The following ARHGEF9 variants were observed in gnomAD, a reference collection of about 807,000 sequenced individuals.
The protein encoded by ARHGEF9 is Cdc42 guanine nucleotide exchange factor 9.
In ARHGEF9, 2 loss-of-function variants were observed where a neutral mutation model predicts 41.3. That is an observed-to-expected ratio of 0.05 (90% confidence interval 0.02 to 0.15). The LOEUF is 0.15. Ranked by LOEUF, ARHGEF9 falls within the 10% of genes least tolerant of loss-of-function variation. ARHGEF9 has a pLI of 1.00. For synonymous variants in ARHGEF9, 160 were observed against 154.4 expected, an observed-to-expected ratio of 1.04 and a Z score of -0.27; for missense variants, 225 against 424.7, an observed-to-expected ratio of 0.53 and a Z score of 4.13.
At chrX:63,665,032 G>T (rs782147170) in intron 7 of ARHGEF9, among the ~76,000 whole-genome samples, 24 of 112,301 alleles carry the variant, frequency 2.1e-4, no homozygotes. Context: ...GCAAAGGGTA[G>T]CATGGTGAAT....
chrX:63,780,475 A>G (rs2056362850), intron 1 of ARHGEF9, among the ~76,000 whole-genome samples: 1 of 111,152 alleles, frequency 9.0e-6, no homozygotes, highest in East Asian at 2.8e-4. Context: ...GGAGCAGACA[A>G]CCCTGAGTGC....
In ARHGEF9 at chrX:63,645,221, A is replaced by AT. The variant is rs374631241; in HGVS notation, c.1322-1174dup. ...TCAAAGGAAAATATACTCTAAAATG[A>AT]TTTTTTTTTCACTTTTTTTAATATA... On this transcript the variant is annotated intron_variant, in intron 8 of 9. Coordinates refer to ENST00000671741, the MANE Select transcript of ARHGEF9 (RefSeq NM_001353921.2). Among the ~76,000 whole-genome samples, 984 of 109,294 alleles carry AT rather than the reference A, an allele frequency of 9.0e-3. 5 individuals are homozygous for AT. The highest frequency in any genetic ancestry group is 0.014 in the Non-Finnish European group (728 of 52,237). 94.9% of individuals were successfully genotyped at this position (109,294 alleles called of 115,157 possible). A position where few individuals can be genotyped will look rare whatever the true frequency, so the allele number is the denominator to read the frequency against.
intron 2 of ARHGEF9, chrX:63,722,927 T>A (rs1322354847): frequency 8.9e-6 from 1 of 111,748 alleles, no homozygotes; most frequent in African/African-American, 3.3e-5. Context: ...GGATATTTCA[T>A]TAGAAGATTC....
chrX:63,669,832 G>T, intron 6 of ARHGEF9, among the ~76,000 whole-genome samples: 1 of 111,679 alleles, frequency 9.0e-6, no homozygotes, highest in Non-Finnish European at 1.9e-5. Context: ...TTTGTTTGTT[G>T]CCTCTTTTCC....
chrX:63,772,992 T>G (rs1556455835), intron 1 of ARHGEF9, among the ~76,000 whole-genome samples: 1 of 111,763 alleles, frequency 8.9e-6, no homozygotes, highest in African/African-American at 3.3e-5. Context: ...CTGACTCAGC[T>G]GAAATGTCAC....
intron 6 of ARHGEF9, among the ~76,000 whole-genome samples, chrX:63,666,351 A>C (rs1295755328): frequency 1.7e-4 from 17 of 101,151 alleles, no homozygotes; most frequent in South Asian, 4.9e-4. Flanking sequence ...CTCTCTCTCT[A>C]CATACACACA....
At position 63,690,720 on chromosome X, in the gene ARHGEF9, A is replaced by T. The variant is rs193098257; in HGVS notation, c.582+6405T>A. On this transcript the variant is annotated intron_variant, in intron 4 of 9. Coordinates refer to ENST00000671741, the MANE Select transcript of ARHGEF9 (RefSeq NM_001353921.2). ...AGGCCAATATTACTGGCAAACATAGATGCAAAAATTCCAAACAAAATACTA... is the reference window on the plus strand; with the variant it reads ...AGGCCAATATTACTGGCAAACATAGTTGCAAAAATTCCAAACAAAATACTA... Among the ~76,000 whole-genome samples the T allele has an allele frequency of 4.5e-5, 5 of 112,131 alleles. No individual in the cohort carries two copies. The East Asian group carries it at 1.1e-3, about 25-fold the overall frequency.
At chrX:63,729,142 G>A (rs2054140118) in intron 1 of ARHGEF9, among the ~76,000 whole-genome samples, 1 of 111,734 alleles carries the variant, frequency 8.9e-6, no homozygotes, top group Admixed American at 9.5e-5. Context: ...CAAAAGAAGT[G>A]ATGACAAATT....
intron 3 of ARHGEF9, among the ~76,000 whole-genome samples, chrX:63,703,966 A>C (rs1438912817): frequency 6.3e-5 from 7 of 111,770 alleles, no homozygotes; most frequent in Non-Finnish European, 1.1e-4. Context: ...CTGAAGGAAA[A>C]GCAAGAGGCC....
intron 7 of ARHGEF9, among the ~76,000 whole-genome samples, 192 bp downstream of exon 7, chrX:63,665,694 C>T (rs1425517129): frequency 5.3e-5 from 6 of 112,234 alleles, no homozygotes; most frequent in Non-Finnish European, 1.1e-4. Flanking sequence ...TTTTTCACTG[C>T]CCACAAGCCA....
At chrX:63,689,171 A>G (rs1206791941) in intron 4 of ARHGEF9, among the ~76,000 whole-genome samples, 1 of 111,684 alleles carries the variant, frequency 9.0e-6, no homozygotes, top group Non-Finnish European at 1.9e-5. Flanking sequence ...TAAATTCTCC[A>G]ATTAAAAGAG....
intron 7 of ARHGEF9, among the ~76,000 whole-genome samples, chrX:63,663,465 AT>A (rs1469795032): frequency 3.6e-5 from 4 of 110,623 alleles, no homozygotes; most frequent in African/African-American, 1.3e-4. Context: ...ATGTGGCCAT[AT>A]TTCATTATTT....
intron 1 of ARHGEF9, among the ~76,000 whole-genome samples, chrX:63,753,550 T>C (rs1414910839): frequency 9.2e-6 from 1 of 109,068 alleles, no homozygotes; most frequent in African/African-American, 3.3e-5. Context: ...GGGGTTTTTT[T>C]TTTTTTTTGA....
At chrX:63,667,621 C>A (rs782484431) in intron 6 of ARHGEF9, among the ~76,000 whole-genome samples, 30 of 110,473 alleles carry the variant, frequency 2.7e-4, no homozygotes, top group Non-Finnish European at 9.5e-5. Flanking sequence ...ATGGTGTATT[C>A]GAGCATACCA....
At chrX:63,664,773 C>T (rs1295699284) in intron 7 of ARHGEF9, among the ~76,000 whole-genome samples, 1 of 112,076 alleles carries the variant, frequency 8.9e-6, no homozygotes, top group African/African-American at 3.2e-5. Context: ...AACACTGAGG[C>T]AGTCTGAACC....
intron 4 of ARHGEF9, among the ~76,000 whole-genome samples, chrX:63,693,427 T>C (rs1183158613): frequency 9.1e-6 from 1 of 110,073 alleles, no homozygotes; most frequent in African/African-American, 3.3e-5. Flanking sequence ...CTAGCTAATA[T>C]GGTGAAACCC....
chrX:63,736,768 C>A (rs781924207), intron 1 of ARHGEF9, among the ~76,000 whole-genome samples: 2 of 111,767 alleles, frequency 1.8e-5, no homozygotes, highest in African/African-American at 6.5e-5. Flanking sequence ...ACTACAGTAA[C>A]CATTTTACTA....
chrX:63,754,222 T>C, intron 1 of ARHGEF9: 1 of 1,046,927 alleles, frequency 9.6e-7, no homozygotes, highest in Non-Finnish European at 1.3e-6. Flanking sequence ...ATCAACAATT[T>C]CACTCAAGCA....
Position 63,690,207 on chromosome X carries a change from G to C in ARHGEF9, c.582+6918C>G, listed in dbSNP as rs782810419. The stretch of plus-strand genomic sequence containing the variant: ...ATACAAAAGATCAATGAAATGAAAA[G>C]TTGTTTTTTTTGAAAAGATACTCAA... On this transcript the variant is annotated intron_variant, in intron 4 of 9. Transcript: ENST00000671741. Among the ~76,000 whole-genome samples the C allele has an allele frequency of 4.5e-5, 5 of 110,520 alleles. No homozygotes were observed. In the East Asian group the frequency reaches 1.4e-3, roughly 31 times the overall value.
Sources: allele counts gnomAD v4.1 joint callset (sites outside exome capture counted in the v4.1 genomes callset), GRCh38; gene constraint gnomAD v4.1.1; transcripts MANE v1.5; gene names NCBI Gene and HGNC (gene_info 2026-07-23, HGNC 2026-07-21).